The following CTDSPL2 variants were observed in gnomAD, a reference collection of about 807,000 sequenced individuals.
The protein encoded by CTDSPL2 is CTD small phosphatase-like protein 2.
CTDSPL2 carries 5 observed loss-of-function variants against 60.0 expected under a neutral mutation model. The ratio of observed to expected loss-of-function variants is 0.08; its 90% CI spans 0.04 to 0.18. The LOEUF (loss-of-function observed/expected upper bound fraction) is 0.18, where lower values mean the gene tolerates loss of function less well. Among genes scored for constraint, CTDSPL2 ranks in the 10% least tolerant of loss-of-function variants. The probability of loss-of-function intolerance (pLI) is 1.00; values close to 1 mark genes in which losing one functional copy is unlikely to be tolerated. For synonymous variants in CTDSPL2, 186 were observed against 189.3 expected (o/e 0.98, Z 0.14); for missense variants, 370 against 548.8 (o/e 0.67, Z 3.26).
chr15:44,501,866 A>G (rs957019209), intron 8 of CTDSPL2: 39 of 386,604 alleles, frequency 1.0e-4, no homozygotes, highest in African/African-American at 7.8e-4. Context: ...TCTGTCTTTT[A>G]AAAAATAAAT....
chr15:44,496,500 A>G (rs370096637), intron 6 of CTDSPL2, 42 bp downstream of exon 6: 5 of 1,424,716 alleles, frequency 3.5e-6, no homozygotes, highest in African/African-American at 1.4e-5. Flanking sequence ...TTTTTGGAGC[A>G]TGATGAGAGT....
intron 8 of CTDSPL2, among the ~76,000 whole-genome samples, chr15:44,503,107 T>C (rs888264007): frequency 6.6e-6 from 1 of 152,208 alleles, no homozygotes; most frequent in African/African-American, 2.4e-5. Context: ...GTATAGTTTG[T>C]ATATGGATAA....
At chr15:44,470,184 G>C (rs912219489) in intron 2 of CTDSPL2, among the ~76,000 whole-genome samples, 10 of 151,476 alleles carry the variant, frequency 6.6e-5, no homozygotes, top group African/African-American at 2.4e-4. Context: ...TATTAAGAGA[G>C]GGATGTTAAA....
chr15:44,498,492 A>G (rs1438740575), intron 7 of CTDSPL2, among the ~76,000 whole-genome samples: 1 of 152,174 alleles, frequency 6.6e-6, no homozygotes, highest in African/African-American at 2.4e-5. Context: ...AGGCCGAGAG[A>G]GGAGGATCCC....
chr15:44,481,740 A>G (rs1456610985), intron 2 of CTDSPL2, among the ~76,000 whole-genome samples: 3 of 152,012 alleles, frequency 2.0e-5, no homozygotes, highest in African/African-American at 7.2e-5. Context: ...TGCCTGGCTA[A>G]TTTTGTATTT....
chr15:44,445,916 C>T (rs1049535058), intron 1 of CTDSPL2, among the ~76,000 whole-genome samples: 9 of 148,088 alleles, frequency 6.1e-5, no homozygotes, highest in Admixed American at 2.0e-4. Context: ...GGATTACAGG[C>T]GTGAGCCACT....
chr15:44,449,819 C>T (rs777593046), intron 1 of CTDSPL2, among the ~76,000 whole-genome samples: 12 of 152,068 alleles, frequency 7.9e-5, no homozygotes, highest in African/African-American at 2.4e-4. Context: ...GGCAAAACCT[C>T]GTCTCTACTA....
intron 2 of CTDSPL2, among the ~76,000 whole-genome samples, chr15:44,477,772 A>C (rs1321842544): frequency 6.7e-6 from 1 of 148,492 alleles, no homozygotes; most frequent in Non-Finnish European, 1.5e-5. Flanking sequence ...TGGGAGGCAG[A>C]GGTTGTGGTG....
At chr15:44,462,479 G>T (rs2080591430) in intron 2 of CTDSPL2, among the ~76,000 whole-genome samples, 1 of 151,992 alleles carries the variant, frequency 6.6e-6, no homozygotes, top group Non-Finnish European at 1.5e-5. Flanking sequence ...ATTCTCATAA[G>T]GAGCACACAG....
chr15:44,510,142 C>T lies in CTDSPL2; in HGVS notation c.970-4456C>T, dbSNP rs546025644. ...CTGGGACTACAGGTGCATGCCACCA[C>T]GTCCAGCTAATTTTTGTATATTTAG... On this transcript the variant is annotated intron_variant, in intron 8 of 12. Coordinates refer to ENST00000260327, the MANE Select transcript of CTDSPL2 (RefSeq NM_016396.3). Among the ~76,000 whole-genome samples, 212 of 151,850 alleles carry T rather than the reference C, an allele frequency of 1.4e-3. 1 individual carries two copies. The highest frequency in any genetic ancestry group is 2.5e-3 in the Non-Finnish European group (172 of 67,944).
At chr15:44,432,651 G>A (rs760554602) in intron 1 of CTDSPL2, among the ~76,000 whole-genome samples, 7 of 151,498 alleles carry the variant, frequency 4.6e-5, no homozygotes, top group African/African-American at 7.3e-5. Flanking sequence ...ACAGAGTCTC[G>A]CTCTGTCTCC....
At chr15:44,455,420 C>G (rs1454480186) in intron 1 of CTDSPL2, among the ~76,000 whole-genome samples, 1 of 152,144 alleles carries the variant, frequency 6.6e-6, no homozygotes, top group Non-Finnish European at 1.5e-5. Context: ...ATTTCTTTCT[C>G]CTGCCTTATT....
At position 44,496,559 on chromosome 15, in the gene CTDSPL2, T is replaced by C. The variant is rs551039945; in HGVS notation, c.770+101T>C. The C allele has an allele frequency of 7.1e-5, 62 of 878,950 alleles. 1 individual carries two copies. In the South Asian group the frequency reaches 8.1e-4, roughly 11 times the overall value. The allele number at this position is 878,950 out of a possible 1,614,324, so 54.4% of individuals were successfully genotyped here. A position where few individuals can be genotyped will look rare whatever the true frequency, so the allele number is the denominator to read the frequency against. ...CTAAATAGTATATTGCCAAGATATGTGACCTGTAGGTATTTGAAACTTTTA... is the reference window on the plus strand; with the variant it reads ...CTAAATAGTATATTGCCAAGATATGCGACCTGTAGGTATTTGAAACTTTTA... On this transcript the variant is annotated intron_variant, in intron 6 of 12. Transcript: ENST00000260327.
At chr15:44,462,462 G>A (rs1415414904) in intron 2 of CTDSPL2, among the ~76,000 whole-genome samples, 2 of 151,988 alleles carry the variant, frequency 1.3e-5, no homozygotes, top group African/African-American at 4.8e-5. Context: ...AGATCATCAG[G>A]CATCAGATTC....
At chr15:44,441,247 A>G (rs184062596) in intron 1 of CTDSPL2, among the ~76,000 whole-genome samples, 4 of 151,830 alleles carry the variant, frequency 2.6e-5, no homozygotes, top group African/African-American at 9.7e-5. Flanking sequence ...ACTCCCCCGC[A>G]TTCACTTGTG....
chr15:44,446,696 G>A (rs1312745817), intron 1 of CTDSPL2, among the ~76,000 whole-genome samples: 10 of 148,648 alleles, frequency 6.7e-5, no homozygotes, highest in Admixed American at 2.0e-4. Context: ...GCTCAGAAGA[G>A]GGAACAGGCA....
At chr15:44,454,106 A>G (rs2080386551) in intron 1 of CTDSPL2, among the ~76,000 whole-genome samples, 1 of 152,134 alleles carries the variant, frequency 6.6e-6, no homozygotes, top group Admixed American at 6.5e-5. Flanking sequence ...TGACTTTTTA[A>G]TGATCGCCAT....
intron 2 of CTDSPL2, among the ~76,000 whole-genome samples, chr15:44,470,251 A>G (rs966944213): frequency 6.6e-6 from 1 of 151,866 alleles, no homozygotes; most frequent in African/African-American, 2.4e-5. Flanking sequence ...TGCTTCATGT[A>G]TGTTGAAGCT....
chr15:44,504,799 G>C (rs900788386), intron 8 of CTDSPL2, among the ~76,000 whole-genome samples: 2 of 152,130 alleles, frequency 1.3e-5, no homozygotes, highest in African/African-American at 4.8e-5. Flanking sequence ...GAGCCAGGAG[G>C]CTGAGAAATC....
Sources: gnomAD v4.1 joint callset for allele counts (sites outside exome capture counted in the v4.1 genomes callset) on GRCh38, gnomAD v4.1.1 for gene constraint, MANE v1.5 for transcripts, NCBI Gene and HGNC (gene_info 2026-07-23, HGNC 2026-07-21) for gene names.